DLG2: variants seen among roughly 807,000 people sequenced by gnomAD.
The protein encoded by DLG2 is discs large MAGUK scaffold protein 2, also known as disks large homolog 2.
DLG2 carries 45 observed loss-of-function variants against 132.5 expected under a neutral mutation model. The observed-to-expected ratio is 0.34, with a 90% CI of 0.27 to 0.44. The LOEUF is 0.44. Among genes scored for constraint, DLG2 ranks in the 20% least tolerant of loss-of-function variants. DLG2 has a pLI of 1.00. For missense variants in DLG2, 1,045 were observed against 1,196.9 expected, an observed-to-expected ratio of 0.87 and a Z score of 1.87; for synonymous variants, 424 against 419.6, an observed-to-expected ratio of 1.01 and a Z score of -0.13.
chr11:84,312,164 C>A (rs1317062510), intron 7 of DLG2, among the ~76,000 whole-genome samples: 2 of 152,216 alleles, frequency 1.3e-5, no homozygotes, highest in Non-Finnish European at 2.9e-5. Context: ...TTATTTATAT[C>A]CTCATTTTAT....
chr11:83,862,974 G>A (rs1348652224), intron 16 of DLG2, among the ~76,000 whole-genome samples: 1 of 152,148 alleles, frequency 6.6e-6, no homozygotes, highest in Non-Finnish European at 1.5e-5. Context: ...ACTCAGTCGA[G>A]AGAAACTTTT....
rs556767301 is a variant in DLG2, at chr11:84,401,427, T to C, written c.519+133143A>G. ...GTCTCTTCAATGCGGACAAGGGCTG[T>C]TTCTATATTGCTTACTTCTGTTTGC... On this transcript the variant is annotated intron_variant, in intron 7 of 27. Coordinates refer to ENST00000376104, the MANE Select transcript of DLG2 (RefSeq NM_001142699.3). 7.9e-5 allele frequency among the ~76,000 whole-genome samples: 12 copies of C among 152,230 alleles called. No individual in the cohort carries two copies. The East Asian group carries it at 2.3e-3, about 29-fold the overall frequency.
intron 6 of DLG2, among the ~76,000 whole-genome samples, chr11:84,607,330 C>T (rs2154536160): frequency 6.6e-6 from 1 of 152,244 alleles, no homozygotes; most frequent in East Asian, 1.9e-4. Flanking sequence ...CCACGAGGCT[C>T]CAAAGTCCTT....
chr11:85,227,972 C>T (rs1443726949), intron 4 of DLG2, among the ~76,000 whole-genome samples: 3 of 152,088 alleles, frequency 2.0e-5, no homozygotes, highest in Non-Finnish European at 4.4e-5. Context: ...GAAGGTGGTA[C>T]CTTACTTTCT....
At chr11:83,813,643 A>G (rs1451636335) in intron 17 of DLG2, among the ~76,000 whole-genome samples, 1 of 151,944 alleles carries the variant, frequency 6.6e-6, no homozygotes, top group South Asian at 2.1e-4. Context: ...TTAAAACTAA[A>G]CCTGTTACGA....
At chr11:84,836,690 T>C (rs1599312557) in intron 6 of DLG2, among the ~76,000 whole-genome samples, 2 of 151,972 alleles carry the variant, frequency 1.3e-5, no homozygotes, top group South Asian at 4.1e-4. Context: ...CTTTATACAG[T>C]GCTGATTGCA....
intron 6 of DLG2, among the ~76,000 whole-genome samples, chr11:84,830,268 T>C (rs1599115931): frequency 6.6e-6 from 1 of 151,478 alleles, no homozygotes; most frequent in African/African-American, 2.4e-5. Context: ...TTCTGTGCCA[T>C]AGATCATATG....
At chr11:83,686,148 T>C (rs904572453) in intron 18 of DLG2, among the ~76,000 whole-genome samples, 4 of 152,110 alleles carry the variant, frequency 2.6e-5, no homozygotes, top group African/African-American at 4.8e-5. Flanking sequence ...CAGCCAGCCA[T>C]GTTTTTAAAA....
At chr11:83,569,045 T>C (rs759353592) in intron 19 of DLG2, among the ~76,000 whole-genome samples, 2 of 152,174 alleles carry the variant, frequency 1.3e-5, no homozygotes, top group Non-Finnish European at 1.5e-5. Context: ...TTTCACAACA[T>C]CCCAGTTTCA....
intron 4 of DLG2, among the ~76,000 whole-genome samples, chr11:85,185,785 C>G (rs1261128574): frequency 1.3e-5 from 2 of 151,924 alleles, no homozygotes; most frequent in Admixed American, 1.3e-4. Context: ...ACATATATTA[C>G]ATATTAAGCA....
At chr11:84,233,446 AGCTGT>A (rs2097120935) in intron 8 of DLG2, among the ~76,000 whole-genome samples, 1 of 152,358 alleles carries the variant, frequency 6.6e-6, no homozygotes, top group African/African-American at 2.4e-5. Flanking sequence ...GAATGCTGGC[AGCTGT>A]GCCAATAGAA....
intron 7 of DLG2, among the ~76,000 whole-genome samples, chr11:84,341,697 A>G (rs1169035416): frequency 6.6e-6 from 1 of 152,256 alleles, no homozygotes; most frequent in Non-Finnish European, 1.5e-5. Context: ...TGCTAGAGGT[A>G]AGGAATAAAG....
At chr11:84,889,373 G>A (rs1257480847) in intron 6 of DLG2, among the ~76,000 whole-genome samples, 2 of 152,092 alleles carry the variant, frequency 1.3e-5, no homozygotes, top group Non-Finnish European at 1.5e-5. Flanking sequence ...TTTAAACTGG[G>A]CCTTAACTGA....
intron 4 of DLG2, among the ~76,000 whole-genome samples, chr11:85,274,198 A>C (rs974876432): frequency 9.2e-5 from 14 of 152,222 alleles, no homozygotes; most frequent in African/African-American, 3.4e-4. Context: ...GCACATGTAT[A>C]CATATGTAAC....
At chr11:85,414,936 A>C (rs1042004465) in intron 3 of DLG2, among the ~76,000 whole-genome samples, 1 of 151,982 alleles carries the variant, frequency 6.6e-6, no homozygotes, top group Non-Finnish European at 1.5e-5. Flanking sequence ...AGGTATACAC[A>C]TGCCATGGGG....
intron 6 of DLG2, among the ~76,000 whole-genome samples, chr11:84,954,496 G>C (rs1245292358): frequency 6.6e-6 from 1 of 152,086 alleles, no homozygotes; most frequent in South Asian, 2.1e-4. Context: ...ACTTACTTTG[G>C]GCAAGAAGAC....
chr11:84,659,402 T>C (rs2099692072), intron 6 of DLG2, among the ~76,000 whole-genome samples: 2 of 152,260 alleles, frequency 1.3e-5, no homozygotes, highest in East Asian at 1.9e-4. Flanking sequence ...TGGAATGTCA[T>C]CCTCTTAATA....
intron 4 of DLG2, among the ~76,000 whole-genome samples, chr11:85,231,116 T>C (rs1355735213): frequency 1.3e-5 from 2 of 152,010 alleles, no homozygotes; most frequent in Non-Finnish European, 1.5e-5. Context: ...TTTGGGAAAC[T>C]ATTAAACTAT....
intron 7 of DLG2, among the ~76,000 whole-genome samples, chr11:84,500,358 A>C (rs2154503085): frequency 6.6e-6 from 1 of 152,198 alleles, no homozygotes; most frequent in South Asian, 2.1e-4. Context: ...AGAAAAAAAA[A>C]AAAAAAGCAA....
Sources: allele counts gnomAD v4.1 joint callset (sites outside exome capture counted in the v4.1 genomes callset), GRCh38; gene constraint gnomAD v4.1.1; transcripts MANE v1.5; gene names NCBI Gene and HGNC (gene_info 2026-07-23, HGNC 2026-07-21).